RADX: variants seen among roughly 807,000 people sequenced by gnomAD.
RADX encodes the protein RPA-related protein RADX.
RADX carries 36 observed loss-of-function variants against 61.6 expected under a neutral mutation model. That is an observed-to-expected ratio of 0.58 (90% CI 0.45 to 0.77). RADX has a LOEUF of 0.77. Ranked by LOEUF, RADX falls within the 30% of genes least tolerant of loss-of-function variation. The pLI, the probability that RADX is intolerant of heterozygous loss-of-function variation, is 0.00. For synonymous variants in RADX, 272 were observed against 237.9 expected (o/e 1.14, Z -1.32); for missense variants, 497 against 651.1 (o/e 0.76, Z 2.58).
intron 12 of RADX, among the ~76,000 whole-genome samples, chrX:106,668,728 A>C (rs1178738694): frequency 9.0e-6 from 1 of 111,416 alleles, no homozygotes; most frequent in East Asian, 2.8e-4. Flanking sequence ...AGATCTAGCT[A>C]CTATATCATC....
chrX:106,652,576 A>G (rs757321133), intron 11 of RADX, among the ~76,000 whole-genome samples: 4 of 109,618 alleles, frequency 3.6e-5, no homozygotes, highest in East Asian at 2.9e-4. Flanking sequence ...TGTATAACAT[A>G]TAATATAATC....
At chrX:106,615,599 TA>T (rs1926783293) in intron 1 of RADX, among the ~76,000 whole-genome samples, 1 of 112,113 alleles carries the variant, frequency 8.9e-6, no homozygotes, top group African/African-American at 3.2e-5. Flanking sequence ...CATTTATTCT[TA>T]TTATACCACC....
rs1035070717 is a variant in RADX at position 106,612,293 on chromosome X, G to A, written c.213G>A (p.Val71=). ...CCTCGGAGGTGGTGCCTGTAACTGT[G>A]CTGGCCGTCCAGAGGTACCTGTTAG... ...VTPSEVVPVT[V]LAVQRYLLED... The change falls in exon 1 of 14, where the codon GTG becomes GTA. Residue 71 remains valine (V), a synonymous_variant. Coordinates refer to ENST00000372548, the MANE Select transcript of RADX (RefSeq NM_018015.6). 2.5e-6 allele frequency: 3 copies of A among 1,211,491 alleles called. No individual in the cohort carries two copies. The highest frequency in any genetic ancestry group is 2.2e-6 in the Non-Finnish European group (2 of 895,447).
chrX:106,667,044 A>G (rs141284394), intron 12 of RADX, among the ~76,000 whole-genome samples: 1,180 of 112,494 alleles, frequency 0.01, 39 homozygotes, highest in Admixed American at 0.092. Flanking sequence ...ACATTAGTGA[A>G]CACAACAGAT....
chrX:106,622,858 C>CCATAGTATGA (rs1926986497), intron 2 of RADX, 65 bp downstream of exon 2: 3 of 613,099 alleles, frequency 4.9e-6, no homozygotes, highest in Admixed American at 4.4e-5. Flanking sequence ...ACACCTCACT[C>CCATAGTATGA]CATAGTATGA....
In RADX at chrX:106,637,784, A is replaced by C. The variant is rs369412417; in HGVS notation, c.1433A>C (p.Tyr478Ser). ...ITGHRGQPYT[Y>S]DAKVKNFIQW... ...GGTCATAGAGGCCAGCCGTATACGT[A>C]TGATGCCAAGGTAAAAAACTTTATT... The change falls in exon 8 of 14, where the codon TAT becomes TCT. Residue 478 changes from tyrosine to serine, a missense_variant. By Grantham distance (144) the Tyr-to-Ser change is moderately radical. Around this residue, in one of 3 missense-constraint regions of RADX, gnomAD observed 267 missense variants for 306.9 expected, o/e 0.87. Coordinates refer to ENST00000372548, the MANE Select transcript of RADX (RefSeq NM_018015.6). 5 of 1,208,759 alleles carry C rather than the reference A, an allele frequency of 4.1e-6. No individual in the cohort carries two copies. Among genetic ancestry groups the C allele is most frequent in the Non-Finnish European group, 4.5e-6 (4 of 893,901 alleles).
At position 106,655,803 on chromosome X, in the gene RADX, C is replaced by T. The variant is rs1390693647; in HGVS notation, c.1979-6212C>T. Reference sequence around the variant, plus strand: ...TGTGAATACTGCCACAGTAAACATACGTGTGCATGTGTCTTTATAGCAGCA... The same window carrying T: ...TGTGAATACTGCCACAGTAAACATATGTGTGCATGTGTCTTTATAGCAGCA... On this transcript the variant is annotated intron_variant, in intron 11 of 13. Transcript: ENST00000372548. Among the ~76,000 whole-genome samples, 3 of 111,983 alleles carry T rather than the reference C, an allele frequency of 2.7e-5. No homozygotes were observed. The East Asian group carries it at 8.5e-4, about 32-fold the overall frequency.
rs1195712501 is a variant in RADX at position 106,619,032 on chromosome X, AT to A, written c.644-3607del. Reference sequence around the variant, plus strand: ...CTTTATGTTTACCATATGCCACCTTATTTTTTTTTTTTACTTTTGCGGGATT... The same window carrying A: ...CTTTATGTTTACCATATGCCACCTTATTTTTTTTTTTACTTTTGCGGGATT... On this transcript the variant is annotated intron_variant, in intron 1 of 13. Transcript: ENST00000372548. Among the ~76,000 whole-genome samples, 121 of 98,760 alleles carry A rather than the reference AT, an allele frequency of 1.2e-3. No individual in the cohort carries two copies. The Middle Eastern group carries it at 0.016, about 13-fold the overall frequency. 85.8% of individuals were successfully genotyped at this position (98,760 alleles called of 115,157 possible). A position where few individuals can be genotyped will look rare whatever the true frequency, so the allele number is the denominator to read the frequency against.
Position 106,612,416 on chromosome X carries a change from C to A in RADX, c.336C>A (p.Pro112=). 1 of 1,211,378 alleles carries A rather than the reference C, an allele frequency of 8.3e-7. No individual in the cohort carries two copies. ...GVYQEKCYLD[P]SLNSLVYQNI... is the part of the protein sequence containing the mutation. ...ACCAGGAGAAGTGCTACCTGGACCC[C>A]AGCTTGAACTCTCTCGTATATCAAA... is the stretch of plus-strand genomic sequence containing the variant. Residue 112 remains proline, a synonymous_variant, in exon 1 of 14, where the codon CCC becomes CCA. Transcript: ENST00000372548.
intron 6 of RADX, among the ~76,000 whole-genome samples, chrX:106,635,002 A>G (rs1378962774): frequency 8.9e-6 from 1 of 112,145 alleles, no homozygotes; most frequent in Non-Finnish European, 1.9e-5. Context: ...AACAGTCACA[A>G]TTTGTTTTTA....
chrX:106,666,239 T>C (rs1244342506), intron 12 of RADX, among the ~76,000 whole-genome samples: 1 of 112,053 alleles, frequency 8.9e-6, no homozygotes, highest in Non-Finnish European at 1.9e-5. Flanking sequence ...TAGTGTATCA[T>C]TGGCTCTACT....
intron 6 of RADX, among the ~76,000 whole-genome samples, chrX:106,634,295 C>A (rs1301054866): frequency 1.8e-5 from 2 of 110,938 alleles, no homozygotes; most frequent in African/African-American, 6.6e-5. Context: ...ACCACCATGC[C>A]TGGCTAATTT....
At chrX:106,644,593 A>G (rs904551295) in intron 10 of RADX, among the ~76,000 whole-genome samples, 2 of 111,335 alleles carry the variant, frequency 1.8e-5, no homozygotes, top group African/African-American at 6.5e-5. Flanking sequence ...ATGTTGAACC[A>G]TCTTGGCATC....
chrX:106,637,901 C>G lies in RADX; in HGVS notation c.1550C>G (p.Ser517Cys). The G allele has an allele frequency of 8.3e-7, 1 of 1,205,279 alleles. No individual in the cohort carries two copies. The highest frequency in any genetic ancestry group is 1.1e-6 in the Non-Finnish European group (1 of 890,084). Residue 517 changes from serine (S) to cysteine (C), a missense_variant, in exon 8 of 14, where the codon TCC becomes TGC. Transcript: ENST00000372548. ...TATCCACCAGTGCCAGAGACATTTTCCAAGTATAGTAGTTCTATTAAAGGT... is the reference window on the plus strand; with the variant it reads ...TATCCACCAGTGCCAGAGACATTTTGCAAGTATAGTAGTTCTATTAAAGGT... ...YPYPPVPETF[S>C]KYSSSIKVES... is the part of the protein sequence containing the mutation.
chrX:106,633,027 A>C lies in RADX; in HGVS notation c.1180+4A>C. On this transcript the variant is annotated splice_donor_region_variant and intron_variant, in intron 5 of 13. Transcript: ENST00000372548. The stretch of plus-strand genomic sequence containing the variant: ...GTCCAGCGGTCAAAAAAGAAAGGTA[A>C]GCTTTTAAAATTGAAAATCATAAAA... 1 of 1,200,480 alleles carries C rather than the reference A, an allele frequency of 8.3e-7. No individual in the cohort carries two copies.
At position 106,640,627 on chromosome X, in the gene RADX, G is replaced by T; in HGVS notation, c.1810G>T (p.Asp604Tyr). The T allele has an allele frequency of 1.7e-6, 2 of 1,195,043 alleles. No homozygotes were observed. The highest frequency in any genetic ancestry group is 1.1e-6 in the Non-Finnish European group (1 of 881,784). ...AAGAAATGGTAAACGGCATCAAGAT[G>T]ATGAGCCTGTGAATTCTCAGTATTT... ...QERNGKRHQDDEPVNSQYFQT... is the reference protein window; with the variant it reads ...QERNGKRHQDYEPVNSQYFQT... Residue 604 changes from aspartate to tyrosine, a missense_variant, in exon 10 of 14, where the codon GAT becomes TAT. Coordinates refer to ENST00000372548, the MANE Select transcript of RADX (RefSeq NM_018015.6).
chrX:106,634,595 A>G (rs1407376035), intron 6 of RADX, among the ~76,000 whole-genome samples: 5 of 111,573 alleles, frequency 4.5e-5, no homozygotes, highest in Non-Finnish European at 7.5e-5. Context: ...TAGGCTTGTG[A>G]GATTAAATTT....
At chrX:106,660,344 G>C (rs1928059906) in intron 11 of RADX, among the ~76,000 whole-genome samples, 2 of 111,984 alleles carry the variant, frequency 1.8e-5, no homozygotes, top group African/African-American at 6.5e-5. Flanking sequence ...CTGGTAAGAA[G>C]TATGTGTTCA....
chrX:106,647,561 C>T (rs1325485842), intron 10 of RADX, among the ~76,000 whole-genome samples: 1 of 110,934 alleles, frequency 9.0e-6, no homozygotes, highest in Non-Finnish European at 1.9e-5. Flanking sequence ...TTTGTAGAAA[C>T]CTCCAAACTG....
Sources: gnomAD v4.1 joint callset for allele counts (sites outside exome capture counted in the v4.1 genomes callset) on GRCh38, gnomAD v4.1.1 for gene constraint, gnomAD v4.1.1 regional missense constraint, MANE v1.5 for transcripts, NCBI Gene and HGNC (gene_info 2026-07-23, HGNC 2026-07-21) for gene names.